The following AGMO variants were observed in gnomAD, a reference collection of about 807,000 sequenced individuals.
The protein encoded by AGMO is alkylglycerol monooxygenase, also known as glyceryl-ether monooxygenase.
Under a neutral mutation model 60.2 loss-of-function variants are expected in AGMO, and 75 were observed. That is an observed-to-expected ratio of 1.25 (90% CI 1.03 to 1.51). The LOEUF (loss-of-function observed/expected upper bound fraction) is 1.51, where lower values mean the gene tolerates loss of function less well. Ranked by LOEUF, AGMO falls within the 40% of genes most tolerant of loss-of-function variation. The probability of loss-of-function intolerance (pLI) is 0.00; values close to 1 mark genes in which losing one functional copy is unlikely to be tolerated. For missense variants in AGMO, 763 were observed against 525.5 expected (o/e 1.45, Z -4.42); for synonymous variants, 261 against 177.1 (o/e 1.47, Z -3.76).
At chr7:15,490,811 T>TTGTC (rs766577538) in intron 3 of AGMO, among the ~76,000 whole-genome samples, 6 of 152,190 alleles carry the variant, frequency 3.9e-5, no homozygotes, top group Non-Finnish European at 8.8e-5. Context: ...AGAATACCTG[T>TTGTC]TGTCTGCCCT....
intron 5 of AGMO, among the ~76,000 whole-genome samples, chr7:15,405,700 T>C (rs543381660): frequency 5.5e-4 from 84 of 152,034 alleles, no homozygotes; most frequent in Non-Finnish European, 1.0e-3. Context: ...AACACTCTTA[T>C]GGGTGAGTAT....
chr7:15,444,380 T>C (rs1781643547), intron 3 of AGMO, among the ~76,000 whole-genome samples: 2 of 152,204 alleles, frequency 1.3e-5, no homozygotes, highest in African/African-American at 4.8e-5. Flanking sequence ...AATTTGTTTT[T>C]ATCTCCAGCA....
chr7:15,362,101 A>T (rs542388668), intron 12 of AGMO, among the ~76,000 whole-genome samples: 85 of 152,300 alleles, frequency 5.6e-4, no homozygotes, highest in Non-Finnish European at 8.5e-4. Flanking sequence ...CACTGAGGCC[A>T]TTTATTAGGT....
rs1583387406 is a variant in AGMO at position 15,306,391 on chromosome 7, T to C, written c.1263+59123A>G. 3 of 368,950 alleles carry C rather than the reference T, an allele frequency of 8.1e-6. No homozygotes were observed. The East Asian group carries it at 2.7e-4, about 34-fold the overall frequency. 22.9% of individuals were successfully genotyped at this position (368,950 alleles called of 1,614,324 possible). ...CCCCTTGGGGCTTACAAAATCTTTA[T>C]TATTTTCAAGCTACAAAAAAATAGT... On this transcript the variant is annotated intron_variant, in intron 12 of 12. Transcript: ENST00000342526.
chr7:15,413,016 T>C lies in AGMO; in HGVS notation c.609+5542A>G, dbSNP rs116258814. Among the ~76,000 whole-genome samples, 898 of 152,172 alleles carry C rather than the reference T, an allele frequency of 5.9e-3. 12 individuals carry two copies. Among genetic ancestry groups the C allele is most frequent in the African/African-American group, 0.02 (849 of 41,504 alleles). On this transcript the variant is annotated intron_variant, in intron 5 of 12. Transcript: ENST00000342526. The stretch of plus-strand genomic sequence containing the variant: ...TCATATCAAGTAAAATAACAGTCAA[T>C]TGAAGTAGACCTGAATATGAACCAG...
intron 12 of AGMO, among the ~76,000 whole-genome samples, chr7:15,356,746 T>C (rs767642122): frequency 2.6e-5 from 4 of 151,452 alleles, no homozygotes; most frequent in Admixed American, 6.6e-5. Context: ...TATGAAAAAA[T>C]GTGATTAAAA....
intron 3 of AGMO, among the ~76,000 whole-genome samples, chr7:15,472,737 T>C (rs1000713463): frequency 6.6e-6 from 1 of 151,982 alleles, no homozygotes; most frequent in Admixed American, 6.6e-5. Flanking sequence ...AATATTAGCC[T>C]ATACACTGGC....
chr7:15,231,535 TG>T (rs1300530356), intron 12 of AGMO, among the ~76,000 whole-genome samples: 1 of 152,222 alleles, frequency 6.6e-6, no homozygotes, highest in African/African-American at 2.4e-5. Context: ...AATCAAATAA[TG>T]TGTTACACAT....
the AGMO span, among the ~76,000 whole-genome samples, chr7:15,129,644 C>A: frequency 7.2e-5 from 11 of 151,976 alleles, no homozygotes; most frequent in African/African-American, 2.4e-4. Context: ...AGTGGCCCAC[C>A]ACCTGGGGCC....
chr7:15,299,969 T>C (rs922472511), intron 12 of AGMO, among the ~76,000 whole-genome samples: 1 of 151,892 alleles, frequency 6.6e-6, no homozygotes, highest in African/African-American at 2.4e-5. Context: ...GGCAAATAGT[T>C]ACAGAGGGAA....
intron 3 of AGMO, among the ~76,000 whole-genome samples, chr7:15,445,883 A>T (rs754501153): frequency 2.0e-4 from 31 of 152,142 alleles, no homozygotes; most frequent in Non-Finnish European, 3.8e-4. Flanking sequence ...CACTCCAAAG[A>T]TGTGTGGTCC....
chr7:15,182,313 T>C, the AGMO span, among the ~76,000 whole-genome samples: 1 of 152,208 alleles, frequency 6.6e-6, no homozygotes, highest in Non-Finnish European at 1.5e-5. Flanking sequence ...ATACATTTAA[T>C]GCCACAGAAC....
the AGMO span, among the ~76,000 whole-genome samples, chr7:15,155,324 C>A: frequency 3.3e-5 from 5 of 150,242 alleles, no homozygotes; most frequent in Admixed American, 3.3e-4. Context: ...TTTTATCTGC[C>A]TATGTTGATT....
chr7:15,236,426 C>A (rs1782420868), intron 12 of AGMO, among the ~76,000 whole-genome samples: 2 of 151,874 alleles, frequency 1.3e-5, no homozygotes, highest in Non-Finnish European at 1.5e-5. Context: ...ATGTCAGTAA[C>A]AAAAGGGAAG....
At chr7:15,430,459 G>A (rs544634216) in intron 4 of AGMO, among the ~76,000 whole-genome samples, 1 of 151,658 alleles carries the variant, frequency 6.6e-6, no homozygotes, top group South Asian at 2.1e-4. Flanking sequence ...TACAAGTAGA[G>A]GCTATTTCTG....
chr7:15,202,489 A>AAAAAAAAAAAAAAAAAAAAAAAAAAT (rs1277846759), intron 12 of AGMO, among the ~76,000 whole-genome samples: 1 of 132,054 alleles, frequency 7.6e-6, no homozygotes, highest in Non-Finnish European at 1.6e-5. Flanking sequence ...AAAAAAAAAA[A>AAAAAAAAAAAAAAAAAAAAAAAAAAT]CCCTCCCAAA....
the AGMO span, among the ~76,000 whole-genome samples, chr7:15,124,313 C>T: frequency 3.8e-3 from 584 of 151,966 alleles, 4 homozygotes; most frequent in African/African-American, 0.013. Flanking sequence ...ATGGTGCCTC[C>T]TTGGTAATGT....
intron 12 of AGMO, among the ~76,000 whole-genome samples, chr7:15,349,241 TA>T (rs1250584304): frequency 2.0e-5 from 3 of 152,162 alleles, no homozygotes; most frequent in Non-Finnish European, 4.4e-5. Flanking sequence ...CTGGCTTTGG[TA>T]TTTCAATATC....
At chr7:15,487,962 A>G (rs968122137) in intron 3 of AGMO, among the ~76,000 whole-genome samples, 2 of 152,176 alleles carry the variant, frequency 1.3e-5, no homozygotes, top group Non-Finnish European at 2.9e-5. Context: ...AAAAAAATCT[A>G]TAATTCAGGC....
Sources: gnomAD v4.1 joint callset for allele counts (sites outside exome capture counted in the v4.1 genomes callset) on GRCh38, gnomAD v4.1.1 for gene constraint, MANE v1.5 for transcripts, NCBI Gene and HGNC (gene_info 2026-07-23, HGNC 2026-07-21) for gene names.